Variants in ZNF778 observed in about 807,000 individuals in gnomAD.
The protein encoded by ZNF778 is zinc finger protein 778.
In ZNF778, 37 loss-of-function variants were observed where a neutral mutation model predicts 23.9. That is an observed-to-expected ratio of 1.54 (90% confidence interval 1.19 to 2.03). The LOEUF is 2.03. Among genes scored for constraint, ZNF778 ranks in the 30% most tolerant of loss-of-function variants. The pLI is 0.00. For synonymous variants in ZNF778, 483 were observed against 343.9 expected, an observed-to-expected ratio of 1.40 and a Z score of -4.48; for missense variants, 1,297 against 934.4, an observed-to-expected ratio of 1.39 and a Z score of -5.06.
rs771667276 is a variant in ZNF778, at chr16:89,227,305, T to G, written c.1017T>G (p.Cys339Trp). Reference sequence around the variant, plus strand: ...ATGCTGCAGAGAAACCCTGTGAATGTAAAGAATGCGGAAAAGCCTTCACTG... The same window carrying G: ...ATGCTGCAGAGAAACCCTGTGAATGGAAAGAATGCGGAAAAGCCTTCACTG... The part of the protein sequence containing the change: ...RIHAAEKPCE[C>W]KECGKAFTGL... Residue 339 changes from cysteine to tryptophan, a missense_variant, in exon 7 of 7, where the codon TGT (cysteine) becomes TGG (tryptophan). Coordinates refer to ENST00000433976, the MANE Select transcript of ZNF778 (RefSeq NM_001201407.2). 91 of 1,613,768 alleles carry G rather than the reference T, an allele frequency of 5.6e-5. No homozygotes were observed. The highest frequency in any genetic ancestry group is 7.1e-5 in the Non-Finnish European group (84 of 1,179,824).
intron 1 of ZNF778, among the ~76,000 whole-genome samples, chr16:89,220,206 A>C (rs113022066): frequency 3.9e-4 from 60 of 152,338 alleles, no homozygotes; most frequent in African/African-American, 1.1e-3. Context: ...CCCCGCCGAC[A>C]CCTAGTAGTA....
chr16:89,233,517 C>T lies in ZNF778; in HGVS notation c.*4955C>T, dbSNP rs1179868731. On this transcript the variant is annotated 3_prime_UTR_variant, in exon 7 of 7. Coordinates refer to ENST00000433976, the MANE Select transcript of ZNF778 (RefSeq NM_001201407.2). ...TGCAACTCAGCTTGCTCTGTGTATG[C>T]AACTCAACTCGCACTGCGTATGCAA... The T allele has an allele frequency of 1.6e-6, 2 of 1,284,950 alleles. No individual in the cohort carries two copies. Among genetic ancestry groups the T allele is most frequent in the African/African-American group, 1.5e-5 (1 of 65,016 alleles). The allele number at this position is 1,284,950 out of a possible 1,614,324, so 79.6% of individuals were successfully genotyped here. A position where few individuals can be genotyped will look rare whatever the true frequency, so the allele number is the denominator to read the frequency against.
intron 4 of ZNF778, 156 bp from the exon 5 acceptor site, chr16:89,224,563 G>A (rs1021957297): frequency 1.8e-6 from 1 of 546,522 alleles, no homozygotes; most frequent in Admixed American, 2.7e-5. Flanking sequence ...ACGTTGCAGT[G>A]AGCCGAGATT....
chr16:89,224,704 T>G lies in ZNF778; in HGVS notation c.245-15T>G. ...CCTGAGCCTCTTCCATCGATGTCTC[T>G]TTCCCTGTGTACAGGACATCACCTG... is the stretch of plus-strand genomic sequence containing the variant. On this transcript the variant is annotated splice_polypyrimidine_tract_variant and intron_variant, in intron 4 of 6. Transcript: ENST00000433976. 6.5e-7 allele frequency: 1 copy of G among 1,531,190 alleles called. No homozygotes were observed. The highest frequency in any genetic ancestry group is 2.0e-5 in the Admixed American group (1 of 50,920). 94.9% of individuals were successfully genotyped at this position (1,531,190 alleles called of 1,614,324 possible).
rs374822887 is a variant in ZNF778 at position 89,225,186 on chromosome 16, G to A, written c.329-369G>A. On this transcript the variant is annotated intron_variant, in intron 5 of 6. Coordinates refer to ENST00000433976, the MANE Select transcript of ZNF778 (RefSeq NM_001201407.2). ...GCTGGAGTGCAGTGGCACAATCTTG[G>A]CTCACTGCAAACTCTGCCTCCTGGG... 1.6e-4 allele frequency among the ~76,000 whole-genome samples: 21 copies of A among 133,218 alleles called. No homozygotes were observed. In the East Asian group the frequency reaches 4.8e-3, roughly 31 times the overall value. 87.4% of individuals were successfully genotyped at this position (133,218 alleles called of 152,430 possible). A position where few individuals can be genotyped will look rare whatever the true frequency, so the allele number is the denominator to read the frequency against.
Position 89,226,720 on chromosome 16 carries a change from C to G in ZNF778, c.432C>G (p.Leu144=). ...CAAGAAGCCACAATGGAGGGCAGCT[C>G]TGTGACCGCACGCAGTGTGGAGAAG... ...QTARSHNGGQ[L]CDRTQCGEAF... is the part of the protein sequence containing the mutation. The change falls in exon 7 of 7, where the codon CTC becomes CTG. Residue 144 remains leucine, a synonymous_variant. Transcript: ENST00000433976. 2 of 1,612,916 alleles carry G rather than the reference C, an allele frequency of 1.2e-6. No homozygotes were observed. The highest frequency in any genetic ancestry group is 8.5e-7 in the Non-Finnish European group (1 of 1,179,106).
In ZNF778 at chr16:89,236,650, TAAGAC is replaced by T. The variant is rs770611397; in HGVS notation, c.*8091_*8095del. 35 of 152,304 alleles carry T rather than the reference TAAGAC, an allele frequency of 2.3e-4. No homozygotes were observed. Among genetic ancestry groups the T allele is most frequent in the Admixed American group, 2.0e-3 (31 of 15,284 alleles). 9.4% of individuals were successfully genotyped at this position (152,304 alleles called of 1,614,324 possible). ...TTTCAACTGATGTATATTTAATACA[TAAGAC>T]AACTACAACATGAAGGTGAGGGGCA... On this transcript the variant is annotated 3_prime_UTR_variant, in exon 7 of 7. Coordinates refer to ENST00000433976, the MANE Select transcript of ZNF778 (RefSeq NM_001201407.2).
chr16:89,221,072 G>T lies in ZNF778; in HGVS notation c.-56G>T, dbSNP rs1288891153. Reference sequence around the variant, plus strand: ...TCCACATAGATTCACAAGCTGCCCTGCAGTGGCCTTGGCTTCAGGAAAGGA... The same window carrying T: ...TCCACATAGATTCACAAGCTGCCCTTCAGTGGCCTTGGCTTCAGGAAAGGA... On this transcript the variant is annotated 5_prime_UTR_variant, in exon 2 of 7. Coordinates refer to ENST00000433976, the MANE Select transcript of ZNF778 (RefSeq NM_001201407.2). The T allele has an allele frequency of 3.2e-6, 5 of 1,552,594 alleles. No individual in the cohort carries two copies. The highest frequency in any genetic ancestry group is 4.4e-6 in the Non-Finnish European group (5 of 1,147,116).
chr16:89,232,617 TTA>T lies in ZNF778; in HGVS notation c.*4056_*4057del. 2 of 1,193,114 alleles carry T rather than the reference TTA, an allele frequency of 1.7e-6. No homozygotes were observed. The highest frequency in any genetic ancestry group is 2.1e-6 in the Non-Finnish European group (2 of 945,272). 73.9% of individuals were successfully genotyped at this position (1,193,114 alleles called of 1,614,324 possible). Reference sequence around the variant, plus strand: ...GGGTTCCTCAGAGTAAGATAAAATATTAAAGGACCAATTGTATTAATTATGTT... The same window carrying T: ...GGGTTCCTCAGAGTAAGATAAAATATAAGGACCAATTGTATTAATTATGTT... On this transcript the variant is annotated 3_prime_UTR_variant, in exon 7 of 7. Coordinates refer to ENST00000433976, the MANE Select transcript of ZNF778 (RefSeq NM_001201407.2).
In ZNF778 at chr16:89,234,384, C is replaced by T. The variant is rs1363229578; in HGVS notation, c.*5822C>T. 2 of 290,360 alleles carry T rather than the reference C, an allele frequency of 6.9e-6. No homozygotes were observed. The highest frequency in any genetic ancestry group is 3.3e-5 in the South Asian group (1 of 30,070). The allele number at this position is 290,360 out of a possible 1,614,324, so 18.0% of individuals were successfully genotyped here. ...TTTTTCCAAAGTGGTTGTGAAACAG[C>T]ATCTCCTTGGGGTGTTGGTTTGCAC... On this transcript the variant is annotated 3_prime_UTR_variant, in exon 7 of 7. Transcript: ENST00000433976.
In ZNF778 at chr16:89,230,136, C is replaced by T; in HGVS notation, c.*1574C>T. Reference sequence around the variant, plus strand: ...CACACTGGCCAATGTTGGGGCATAACACAGCTCTACATTTTATGAAAATGC... The same window carrying T: ...CACACTGGCCAATGTTGGGGCATAATACAGCTCTACATTTTATGAAAATGC... On this transcript the variant is annotated 3_prime_UTR_variant, in exon 7 of 7. Transcript: ENST00000433976. 1 of 669,636 alleles carries T rather than the reference C, an allele frequency of 1.5e-6. No homozygotes were observed. Among genetic ancestry groups the T allele is most frequent in the Non-Finnish European group, 1.8e-6 (1 of 542,842 alleles). 41.5% of individuals were successfully genotyped at this position (669,636 alleles called of 1,614,324 possible). A position where few individuals can be genotyped will look rare whatever the true frequency, so the allele number is the denominator to read the frequency against.
intron 6 of ZNF778, among the ~76,000 whole-genome samples, chr16:89,225,909 C>T (rs565955752): frequency 2.5e-4 from 27 of 108,056 alleles, no homozygotes; most frequent in African/African-American, 8.7e-4. Context: ...GCAGATGGTG[C>T]AGGATTCTTT....
intron 3 of ZNF778, among the ~76,000 whole-genome samples, chr16:89,222,518 C>T (rs2031056514): frequency 6.6e-6 from 1 of 152,232 alleles, no homozygotes; most frequent in Non-Finnish European, 1.5e-5. Context: ...TGCCCACCAG[C>T]ATGCCTGGCT....
At position 89,227,776 on chromosome 16, in the gene ZNF778, G is replaced by A. The variant is rs4785627; in HGVS notation, c.1488G>A (p.Ala496=). Residue 496 remains alanine, a synonymous_variant, in exon 7 of 7, where the codon GCG becomes GCA. Transcript: ENST00000433976. ...FTVSSSLTEH[A]RIHTGEKPYE... ...TTTCTTCAAGCCTGACTGAGCACGC[G>A]AGAATCCATACCGGAGAGAAACCCT... 0.9 allele frequency: 1,451,948 copies of A among 1,613,944 alleles called. 659,624 individuals carry two copies. The highest frequency in any genetic ancestry group is 0.93 in the Non-Finnish European group (1,097,836 of 1,180,002).
chr16:89,219,990 C>T (rs1380820604), intron 1 of ZNF778, among the ~76,000 whole-genome samples: 1 of 152,202 alleles, frequency 6.6e-6, no homozygotes, highest in Non-Finnish European at 1.5e-5. Context: ...ATGAAGTTAT[C>T]TAAAATGTGT....
Position 89,222,104 on chromosome 16 carries a change from C to G in ZNF778, c.38C>G (p.Ser13Cys). The part of the protein sequence containing the change: ...APDLAHGGHV[S>C]RDSVCLHEEQ... ...CTTTGTTTTTTAGGAGGTCATGTTT[C>G]TAGGGACTCAGTCTGCCTTCATGAA... is the stretch of plus-strand genomic sequence containing the variant. Residue 13 changes from serine to cysteine, a missense_variant, in exon 3 of 7, where the codon TCT becomes TGT. Physicochemically the swap from Ser to Cys is moderately radical, Grantham distance 112 (BLOSUM62 -1). Coordinates refer to ENST00000433976, the MANE Select transcript of ZNF778 (RefSeq NM_001201407.2). 3 of 1,597,820 alleles carry G rather than the reference C, an allele frequency of 1.9e-6. No individual in the cohort carries two copies. The South Asian group carries it at 3.4e-5, about 18-fold the overall frequency.
intron 2 of ZNF778, 69 bp downstream of exon 2, chr16:89,221,221 C>A: frequency 2.7e-6 from 4 of 1,501,518 alleles, no homozygotes; most frequent in Non-Finnish European, 2.7e-6. Context: ...GTGTATCAGG[C>A]CCATGGACGG....
At position 89,228,639 on chromosome 16, in the gene ZNF778, C is replaced by T. The variant is rs527384239; in HGVS notation, c.*77C>T. On this transcript the variant is annotated 3_prime_UTR_variant, in exon 7 of 7. Transcript: ENST00000433976. Reference sequence around the variant, plus strand: ...GAAAGACCTCTCGTTCTCCAGATGTCCATGACTTGAGGAATGTGGCTAGGC... The same window carrying T: ...GAAAGACCTCTCGTTCTCCAGATGTTCATGACTTGAGGAATGTGGCTAGGC... 7.3e-6 allele frequency: 11 copies of T among 1,516,312 alleles called. No homozygotes were observed. The African/African-American group carries it at 1.5e-4, about 21-fold the overall frequency. The allele number at this position is 1,516,312 out of a possible 1,614,324, so 93.9% of individuals were successfully genotyped here.
chr16:89,228,563 T>C lies in ZNF778; in HGVS notation c.*1T>C. 6.4e-7 allele frequency: 1 copy of C among 1,564,144 alleles called. No individual in the cohort carries two copies. ...TCACACTGATGAGAAACCTTTCTAA[T>C]GTAAAGAATGTGGGGAAGCTGTCAG... On this transcript the variant is annotated 3_prime_UTR_variant, in exon 7 of 7. Coordinates refer to ENST00000433976, the MANE Select transcript of ZNF778 (RefSeq NM_001201407.2).
Sources: allele counts gnomAD v4.1 joint callset (sites outside exome capture counted in the v4.1 genomes callset), GRCh38; gene constraint gnomAD v4.1.1; transcripts MANE v1.5; gene names NCBI Gene and HGNC (gene_info 2026-07-23, HGNC 2026-07-21).